NAV2: variants seen among roughly 807,000 people sequenced by gnomAD.
NAV2 encodes the protein helicase, APC down-regulated 1.
A neutral mutation model predicts 223.2 loss-of-function variants in NAV2; 54 were observed. The observed-to-expected ratio is 0.24, with a 90% CI of 0.19 to 0.30. The LOEUF (loss-of-function observed/expected upper bound fraction) is 0.30, where lower values mean the gene tolerates loss of function less well. Among genes scored for constraint, NAV2 ranks in the 10% least tolerant of loss-of-function variants. The pLI, the probability that NAV2 is intolerant of heterozygous loss-of-function variation, is 1.00. For missense variants in NAV2, 2,806 were observed against 3,147.5 expected (o/e 0.89, Z 2.60); for synonymous variants, 1,279 against 1,239.3 (o/e 1.03, Z -0.67).
chr11:20,010,079 C>T (rs1445643735), intron 11 of NAV2, among the ~76,000 whole-genome samples: 1 of 152,222 alleles, frequency 6.6e-6, no homozygotes, highest in Admixed American at 6.5e-5. Context: ...CATGAGGAAA[C>T]TGCTCAGACA....
upstream of NAV2, chr11:19,711,603 A>T (rs116011507): frequency 6.6e-6 from 1 of 152,346 alleles, no homozygotes; most frequent in African/African-American, 2.4e-5. Flanking sequence ...CATCTGAGTT[A>T]TTCTAAATCA....
At chr11:19,823,757 C>G (rs1038458615) in intron 1 of NAV2, among the ~76,000 whole-genome samples, 5 of 152,030 alleles carry the variant, frequency 3.3e-5, no homozygotes, top group African/African-American at 1.2e-4. Flanking sequence ...GTCCCTGGGG[C>G]CGGGGCCTGT....
chr11:19,752,328 T>A (rs2053894094), intron 1 of NAV2, among the ~76,000 whole-genome samples: 1 of 152,198 alleles, frequency 6.6e-6, no homozygotes, highest in Admixed American at 6.5e-5. Context: ...ACACTGATGT[T>A]GTTTCCTGCA....
intron 1 of NAV2, among the ~76,000 whole-genome samples, chr11:19,779,785 G>A (rs539893354): frequency 2.6e-5 from 4 of 152,328 alleles, no homozygotes; most frequent in Admixed American, 6.5e-5. Context: ...CCCACTCTAC[G>A]TTGTACTGTT....
chr11:19,660,812 G>A (rs77993714), intron 1 of NAV2, among the ~76,000 whole-genome samples: 24 of 152,150 alleles, frequency 1.6e-4, no homozygotes, highest in Admixed American at 4.6e-4. Flanking sequence ...CGAGAATGGA[G>A]AGTTGTCCTT....
chr11:19,411,117 C>T (rs1850126644), intron 1 of NAV2, among the ~76,000 whole-genome samples: 1 of 152,146 alleles, frequency 6.6e-6, no homozygotes, highest in Non-Finnish European at 1.5e-5. Context: ...ACCCAGGTTG[C>T]TTGACCCCAC....
chr11:19,882,498 G>A (rs536234056), intron 5 of NAV2, among the ~76,000 whole-genome samples: 4 of 152,254 alleles, frequency 2.6e-5, no homozygotes, highest in East Asian at 1.9e-4. Flanking sequence ...ACTTGGCCAC[G>A]TCACTCTTCT....
At chr11:19,968,659 G>T (rs2048971262) in intron 10 of NAV2, among the ~76,000 whole-genome samples, 1 of 152,222 alleles carries the variant, frequency 6.6e-6, no homozygotes, top group Admixed American at 6.5e-5. Flanking sequence ...TCTTGTGGAA[G>T]TGGAAGCGTT....
chr11:19,896,319 C>T (rs542915511), intron 6 of NAV2, among the ~76,000 whole-genome samples: 1 of 152,290 alleles, frequency 6.6e-6, no homozygotes, highest in African/African-American at 2.4e-5. Context: ...AACAATAACT[C>T]TCCTTCACCA....
At chr11:19,648,086 G>A (rs576892861) in intron 1 of NAV2, among the ~76,000 whole-genome samples, 1 of 152,186 alleles carries the variant, frequency 6.6e-6, no homozygotes, top group Non-Finnish European at 1.5e-5. Context: ...AGAGCCAGCT[G>A]TTAATTTTTC....
chr11:20,071,271 G>A (rs2059391551), intron 22 of NAV2, among the ~76,000 whole-genome samples: 1 of 152,072 alleles, frequency 6.6e-6, no homozygotes, highest in African/African-American at 2.4e-5. Context: ...CTTCATCCAT[G>A]TCCCTGAAAA....
At position 20,078,246 on chromosome 11, in the gene NAV2, G is replaced by C; in HGVS notation, c.5179+142G>C. On this transcript the variant is annotated intron_variant, in intron 24 of 37. Coordinates refer to ENST00000349880, the MANE Select transcript of NAV2 (RefSeq NM_145117.5). ...ATGTCAGGCAAGCAGGAACTGGAAG[G>C]CAAACACCTTTAATCAAGTCACTTC... 4 of 680,232 alleles carry C rather than the reference G, an allele frequency of 5.9e-6. No homozygotes were observed. In the South Asian group the frequency reaches 6.8e-5, roughly 11 times the overall value. 42.1% of individuals were successfully genotyped at this position (680,232 alleles called of 1,614,324 possible).
intron 30 of NAV2, among the ~76,000 whole-genome samples, chr11:20,096,473 G>T (rs182911822): frequency 3.7e-4 from 56 of 152,174 alleles, no homozygotes; most frequent in Admixed American, 3.3e-3. Context: ...AATAGTCCAC[G>T]TTTTTTGTGC....
intron 1 of NAV2, among the ~76,000 whole-genome samples, chr11:19,701,159 C>T (rs1158256687): frequency 1.3e-5 from 2 of 152,058 alleles, no homozygotes; most frequent in African/African-American, 4.8e-5. Context: ...TCCCCTTTTT[C>T]ACCCCACTTA....
chr11:19,618,352 T>G (rs927588730), intron 1 of NAV2, among the ~76,000 whole-genome samples: 3 of 130,310 alleles, frequency 2.3e-5, no homozygotes, highest in Non-Finnish European at 4.7e-5. Flanking sequence ...CTTGATGGAT[T>G]GCTGGATGGA....
At chr11:19,648,753 G>T (rs941704765) in intron 1 of NAV2, among the ~76,000 whole-genome samples, 1 of 152,114 alleles carries the variant, frequency 6.6e-6, no homozygotes, top group African/African-American at 2.4e-5. Context: ...TCTGTCCTTT[G>T]AAAATTATAC....
chr11:20,063,741 T>C (rs1431315608), intron 20 of NAV2, among the ~76,000 whole-genome samples: 1 of 152,226 alleles, frequency 6.6e-6, no homozygotes, highest in Non-Finnish European at 1.5e-5. Context: ...AAAAAGTCTC[T>C]TTGTTAATTG....
At chr11:19,452,347 GA>G (rs1851819146) in intron 1 of NAV2, among the ~76,000 whole-genome samples, 1 of 152,182 alleles carries the variant, frequency 6.6e-6, no homozygotes, top group Admixed American at 6.5e-5. Flanking sequence ...GGAAGATAAA[GA>G]CACAGCTGAC....
chr11:19,813,112 T>C (rs528344804), intron 1 of NAV2, among the ~76,000 whole-genome samples: 17 of 152,316 alleles, frequency 1.1e-4, no homozygotes, highest in African/African-American at 4.1e-4. Context: ...GACCTTTCGA[T>C]GAAACATGTA....
Sources: allele counts gnomAD v4.1 joint callset (sites outside exome capture counted in the v4.1 genomes callset), GRCh38; gene constraint gnomAD v4.1.1; transcripts MANE v1.5; gene names NCBI Gene and HGNC (gene_info 2026-07-23, HGNC 2026-07-21).